Variants in RIC1 observed in about 807,000 individuals in gnomAD.
RIC1 encodes the protein RIC1 partner of RAB6A GEF complex, also known as guanine nucleotide exchange factor subunit RIC1.
In RIC1, 88 loss-of-function variants were observed where a neutral mutation model predicts 169.0. The ratio of observed to expected loss-of-function variants is 0.52; its 90% CI spans 0.44 to 0.62. The LOEUF is 0.62. Among genes scored for constraint, RIC1 ranks in the 20% least tolerant of loss-of-function variants. RIC1 has a pLI of 0.00. For missense variants in RIC1, 1,877 were observed against 1,725.5 expected (o/e 1.09, Z -1.56); for synonymous variants, 790 against 601.5 (o/e 1.31, Z -4.59).
chr9:5,725,250 A>G (rs971190373), intron 6 of RIC1, among the ~76,000 whole-genome samples: 1 of 152,140 alleles, frequency 6.6e-6, no homozygotes, highest in African/African-American at 2.4e-5. Flanking sequence ...TTATTGGTCT[A>G]TTCAGGGATT....
intron 3 of RIC1, among the ~76,000 whole-genome samples, chr9:5,706,242 G>A (rs555352326): frequency 5.6e-4 from 85 of 152,216 alleles, no homozygotes; most frequent in Admixed American, 3.6e-3. Flanking sequence ...GGCAGATCAC[G>A]AGGTCAGGAG....
chr9:5,659,080 C>T (rs1041488108), intron 2 of RIC1, among the ~76,000 whole-genome samples: 1 of 152,030 alleles, frequency 6.6e-6, no homozygotes, highest in African/African-American at 2.4e-5. Context: ...GAATCTAATT[C>T]TCATTAGTGG....
At chr9:5,647,988 GGTGGTA>G (rs1332524299) in intron 1 of RIC1, among the ~76,000 whole-genome samples, 246 of 119,878 alleles carry the variant, frequency 2.1e-3, no homozygotes, top group African/African-American at 9.2e-3. Flanking sequence ...TGGTGGTGGT[GGTGGTA>G]GTGGTAGTGG....
intron 7 of RIC1, among the ~76,000 whole-genome samples, chr9:5,734,661 A>G (rs1185801178): frequency 6.6e-6 from 1 of 152,214 alleles, no homozygotes; most frequent in African/African-American, 2.4e-5. Flanking sequence ...TAAATAGAAC[A>G]TTACTGGTCT....
chr9:5,636,460 C>T (rs1173726099), intron 1 of RIC1, among the ~76,000 whole-genome samples: 1 of 152,104 alleles, frequency 6.6e-6, no homozygotes, highest in African/African-American at 2.4e-5. Context: ...GCTGGGATTA[C>T]AGGTGCCTGC....
At chr9:5,746,923 C>T (rs1268848946) in intron 11 of RIC1, among the ~76,000 whole-genome samples, 2 of 152,106 alleles carry the variant, frequency 1.3e-5, no homozygotes, top group Non-Finnish European at 2.9e-5. Context: ...GCATTTCTCC[C>T]TCCCCTTCCC....
At chr9:5,698,579 C>CT (rs1232428413) in intron 3 of RIC1, among the ~76,000 whole-genome samples, 1 of 152,100 alleles carries the variant, frequency 6.6e-6, no homozygotes, top group Non-Finnish European at 1.5e-5. Flanking sequence ...TTTTCTTAGA[C>CT]TTGCTATTGA....
chr9:5,685,967 G>T (rs1821193514), intron 2 of RIC1, among the ~76,000 whole-genome samples: 1 of 151,812 alleles, frequency 6.6e-6, no homozygotes, highest in East Asian at 1.9e-4. Flanking sequence ...GTGGGCGAAG[G>T]ACATGAACAG....
rs759977681 is a variant in RIC1 at position 5,753,182 on chromosome 9, A to G, written c.1453-18A>G. ...ATATTTCATAAGTTTTACCAATCTG[A>G]TGTGTTATTTTCTATAGATTTCCAG... On this transcript the variant is annotated intron_variant, in intron 12 of 25. Transcript: ENST00000414202. 1.7e-5 allele frequency: 27 copies of G among 1,600,444 alleles called. No individual in the cohort carries two copies. In the East Asian group the frequency reaches 4.0e-4, roughly 24 times the overall value.
chr9:5,710,796 C>A (rs550136288), intron 3 of RIC1, among the ~76,000 whole-genome samples: 29 of 152,128 alleles, frequency 1.9e-4, no homozygotes, highest in African/African-American at 6.0e-4. Context: ...TGAGAAAATT[C>A]TCAGAATGAA....
chr9:5,704,191 C>G (rs1320201649), intron 3 of RIC1, among the ~76,000 whole-genome samples: 3 of 151,702 alleles, frequency 2.0e-5, no homozygotes, highest in African/African-American at 4.8e-5. Context: ...AGATAAATAT[C>G]TATTCAAGTC....
chr9:5,745,132 C>T (rs1372604025), intron 10 of RIC1, among the ~76,000 whole-genome samples: 6 of 152,158 alleles, frequency 3.9e-5, no homozygotes, highest in Admixed American at 1.3e-4. Context: ...CAGTGTTGTC[C>T]GTCTCACTAA....
chr9:5,670,244 C>T (rs1483507174), intron 2 of RIC1, among the ~76,000 whole-genome samples: 10 of 152,198 alleles, frequency 6.6e-5, no homozygotes, highest in Non-Finnish European at 1.0e-4. Flanking sequence ...TTCTTCAACC[C>T]TATGTAACTG....
At chr9:5,666,950 C>T (rs1361211994) in intron 2 of RIC1, among the ~76,000 whole-genome samples, 1 of 152,090 alleles carries the variant, frequency 6.6e-6, no homozygotes, top group Non-Finnish European at 1.5e-5. Context: ...TGGTAATGTT[C>T]TTTCTGATTT....
At chr9:5,684,761 G>C (rs1456659216) in intron 2 of RIC1, among the ~76,000 whole-genome samples, 1 of 152,008 alleles carries the variant, frequency 6.6e-6, no homozygotes, top group Non-Finnish European at 1.5e-5. Context: ...TATGATGAAG[G>C]CATTCAGTCT....
At chr9:5,666,480 G>A (rs1226304212) in intron 2 of RIC1, among the ~76,000 whole-genome samples, 2 of 151,882 alleles carry the variant, frequency 1.3e-5, no homozygotes, top group Non-Finnish European at 2.9e-5. Context: ...TAGCGGGAAG[G>A]CTTTCAGTCT....
At chr9:5,755,476 G>A (rs1437547987) in intron 15 of RIC1, among the ~76,000 whole-genome samples, 1 of 152,178 alleles carries the variant, frequency 6.6e-6, no homozygotes, top group Non-Finnish European at 1.5e-5. Context: ...TGGTCTCTCA[G>A]AATATCTTAG....
intron 1 of RIC1, among the ~76,000 whole-genome samples, chr9:5,646,300 C>T (rs1818507500): frequency 6.6e-6 from 1 of 152,040 alleles, no homozygotes; most frequent in Non-Finnish European, 1.5e-5. Context: ...TTCATGTATT[C>T]TGGGTATAAT....
chr9:5,643,132 C>G (rs1818331821), intron 1 of RIC1, among the ~76,000 whole-genome samples: 1 of 152,006 alleles, frequency 6.6e-6, no homozygotes, highest in African/African-American at 2.4e-5. Context: ...AGACCCCCAT[C>G]TCTATAAAAA....
Sources: gnomAD v4.1 joint callset for allele counts (sites outside exome capture counted in the v4.1 genomes callset) on GRCh38, gnomAD v4.1.1 for gene constraint, MANE v1.5 for transcripts, NCBI Gene and HGNC (gene_info 2026-07-23, HGNC 2026-07-21) for gene names.